The following SH3PXD2B variants were observed in gnomAD, a reference collection of about 807,000 sequenced individuals.
SH3PXD2B encodes SH3 and PX domains 2B.
A neutral mutation model predicts 73.1 loss-of-function variants in SH3PXD2B; 37 were observed. That is an observed-to-expected ratio of 0.51 (90% CI 0.39 to 0.67). SH3PXD2B has a LOEUF of 0.67. Ranked by LOEUF, SH3PXD2B falls within the 30% of genes least tolerant of loss-of-function variation. The probability of loss-of-function intolerance (pLI) is 0.00; values close to 1 mark genes in which losing one functional copy is unlikely to be tolerated. For synonymous variants in SH3PXD2B, 457 were observed against 480.5 expected (o/e 0.95, Z 0.64); for missense variants, 1,053 against 1,197.8 (o/e 0.88, Z 1.78).
At chr5:172,425,807 G>C (rs961313343) in intron 1 of SH3PXD2B, among the ~76,000 whole-genome samples, 1 of 152,084 alleles carries the variant, frequency 6.6e-6, no homozygotes, top group African/African-American at 2.4e-5. Flanking sequence ...AGAGGGGCAG[G>C]GACACCAGTA....
At position 172,397,144 on chromosome 5, in the gene SH3PXD2B, C is replaced by A. The variant is rs139968727; in HGVS notation, c.233-2505G>T. The stretch of plus-strand genomic sequence containing the variant: ...AGAGAATGCATTCCTAGGGGGAGGT[C>A]TCTGAAATGGCCACTCTGGGAACGT... On this transcript the variant is annotated intron_variant, in intron 3 of 12. Transcript: ENST00000311601. Among the ~76,000 whole-genome samples the A allele has an allele frequency of 9.8e-4, 149 of 152,180 alleles. 3 individuals carry two copies. In the East Asian group the frequency reaches 0.022, roughly 23 times the overall value.
At chr5:172,332,466 G>A (rs2113225080), downstream of SH3PXD2B, among the ~76,000 whole-genome samples, 1 of 148,966 alleles carries the variant, frequency 6.7e-6, no homozygotes, top group East Asian at 2.0e-4. Context: ...GTCTTGCTAT[G>A]TTGCCCAGCC....
intron 12 of SH3PXD2B, among the ~76,000 whole-genome samples, chr5:172,344,975 G>C (rs1756957411): frequency 6.7e-6 from 1 of 148,468 alleles, no homozygotes; most frequent in African/African-American, 2.6e-5. Context: ...AGGAGGGAGA[G>C]AAAGAAAGAA....
Position 172,339,420 on chromosome 5 carries a change from G to A in SH3PXD2B, c.1685C>T (p.Pro562Leu), listed in dbSNP as rs147475342. 71 of 1,614,012 alleles carry A rather than the reference G, an allele frequency of 4.4e-5. No homozygotes were observed. The highest frequency in any genetic ancestry group is 5.7e-5 in the Non-Finnish European group (67 of 1,180,026). The change falls in exon 13 of 13, where the codon CCG (proline) becomes CTG (leucine). Residue 562 changes from proline (P) to leucine (L), a missense_variant. By Grantham distance (98) the Pro-to-Leu change is moderately conservative (BLOSUM62 -3). Transcript: ENST00000311601. The surrounding 1 kb of genome is among the most constrained non-coding windows in gnomAD (Gnocchi z 6.1). Reference protein sequence around the residue: ...PTPKPPGVILPMMPAKHIPPA... With the variant: ...PTPKPPGVILLMMPAKHIPPA... ...AGGGATGTGTTTGGCTGGCATCATC[G>A]GCAAAATCACGCCCGGAGGCTTGGG...
At chr5:172,402,136 C>T (rs2113419196) in intron 3 of SH3PXD2B, among the ~76,000 whole-genome samples, 1 of 152,152 alleles carries the variant, frequency 6.6e-6, no homozygotes, top group East Asian at 1.9e-4. Context: ...GAATGCATTC[C>T]TAGGGGGAGG....
chr5:172,437,679 T>C (rs950220652), intron 1 of SH3PXD2B, among the ~76,000 whole-genome samples: 36 of 152,276 alleles, frequency 2.4e-4, no homozygotes, highest in Middle Eastern at 6.8e-3. Flanking sequence ...AATATTTTTT[T>C]CCCCCAATTT....
chr5:172,424,627 T>C (rs953266074), intron 1 of SH3PXD2B, among the ~76,000 whole-genome samples: 2 of 152,232 alleles, frequency 1.3e-5, no homozygotes, highest in Non-Finnish European at 2.9e-5. Flanking sequence ...GGAGGTGACC[T>C]TGAATGCCAC....
intron 3 of SH3PXD2B, among the ~76,000 whole-genome samples, chr5:172,399,073 T>A (rs1172077827): frequency 2.0e-5 from 3 of 152,242 alleles, no homozygotes; most frequent in African/African-American, 7.2e-5. Context: ...CCAGATTTGA[T>A]CTGAATTTAA....
At chr5:172,450,335 C>T (rs1272403777) in intron 1 of SH3PXD2B, among the ~76,000 whole-genome samples, 1 of 151,640 alleles carries the variant, frequency 6.6e-6, no homozygotes, top group African/African-American at 2.4e-5. Context: ...TCGGGGAGGG[C>T]GTCCGGGGGG....
chr5:172,431,169 T>C (rs1759230211), intron 1 of SH3PXD2B, among the ~76,000 whole-genome samples: 1 of 152,198 alleles, frequency 6.6e-6, no homozygotes, highest in South Asian at 2.1e-4. Context: ...GCCCAGGCTG[T>C]AACCACCTGT....
chr5:172,339,951 G>A lies in SH3PXD2B; in HGVS notation c.1189-35C>T, dbSNP rs545787318. On this transcript the variant is annotated intron_variant, in intron 12 of 12. Coordinates refer to ENST00000311601, the MANE Select transcript of SH3PXD2B (RefSeq NM_001017995.3). This position sits in a 1 kb window ranked among gnomAD's most constrained non-coding sequence, Gnocchi z 6.1. The stretch of plus-strand genomic sequence containing the variant: ...AGGATAGAGAAAGGCACTTGGCTAC[G>A]ATGCCAGGGCCAGCAGATGGAATGG... The A allele has an allele frequency of 5.7e-5, 92 of 1,613,174 alleles. No homozygotes were observed. Among genetic ancestry groups the A allele is most frequent in the Non-Finnish European group, 7.1e-5 (84 of 1,179,604 alleles).
At chr5:172,419,923 T>C (rs1758919907) in intron 2 of SH3PXD2B, among the ~76,000 whole-genome samples, 1 of 152,336 alleles carries the variant, frequency 6.6e-6, no homozygotes, top group East Asian at 1.9e-4. Context: ...CTTGCAAACA[T>C]GTTTACCTAA....
chr5:172,415,441 C>A (rs1013590784), intron 2 of SH3PXD2B, among the ~76,000 whole-genome samples: 12 of 152,128 alleles, frequency 7.9e-5, no homozygotes, highest in Non-Finnish European at 1.6e-4. Context: ...CCCAAGGAGG[C>A]AGGGAGGTTA....
chr5:172,444,124 G>A (rs78331435), intron 1 of SH3PXD2B, among the ~76,000 whole-genome samples: 3,419 of 152,254 alleles, frequency 0.022, 133 homozygotes, highest in African/African-American at 0.078. Context: ...CAGTGGGACC[G>A]TCGATCTTAA....
rs869367 is a variant in SH3PXD2B, at chr5:172,337,116, T to C, written c.*1253A>G. 581,352 of 985,094 alleles carry C rather than the reference T, an allele frequency of 0.59. 172,862 individuals are homozygous for C. Among genetic ancestry groups the C allele is most frequent in the South Asian group, 0.82 (17,416 of 21,284 alleles). 61.0% of individuals were successfully genotyped at this position (985,094 alleles called of 1,614,324 possible). ...TTAGAAGAGGGAACAGGGCTCTGTG[T>C]CAACCACCAGGACCCTGGCATTCTC... On this transcript the variant is annotated 3_prime_UTR_variant, in exon 13 of 13. Coordinates refer to ENST00000311601, the MANE Select transcript of SH3PXD2B (RefSeq NM_001017995.3).
At chr5:172,447,372 C>G (rs1759693150) in intron 1 of SH3PXD2B, among the ~76,000 whole-genome samples, 1 of 152,186 alleles carries the variant, frequency 6.6e-6, no homozygotes. Flanking sequence ...GTTTTACCAT[C>G]TTGATGGTAT....
At chr5:172,450,491 T>C (rs1191546147) in intron 1 of SH3PXD2B, among the ~76,000 whole-genome samples, 1 of 152,124 alleles carries the variant, frequency 6.6e-6, no homozygotes, top group African/African-American at 2.4e-5. Context: ...TGCAGAATAT[T>C]GTATTACTAT....
intron 1 of SH3PXD2B, among the ~76,000 whole-genome samples, chr5:172,440,981 C>A (rs758572180): frequency 1.1e-4 from 16 of 152,150 alleles, no homozygotes; most frequent in Non-Finnish European, 2.4e-4. Context: ...TGGCTTATAA[C>A]CCCCTTCCAC....
At chr5:172,332,948 T>G (rs1756590568), downstream of SH3PXD2B, among the ~76,000 whole-genome samples, 1 of 151,472 alleles carries the variant, frequency 6.6e-6, no homozygotes, top group African/African-American at 2.4e-5. Flanking sequence ...TTTTTTTTTT[T>G]TTTTTGAGAC....
Sources: gnomAD v4.1 joint callset for allele counts (sites outside exome capture counted in the v4.1 genomes callset) on GRCh38, gnomAD v4.1.1 for gene constraint, Gnocchi (gnomAD v3.1) non-coding constraint, MANE v1.5 for transcripts, NCBI Gene and HGNC (gene_info 2026-07-23, HGNC 2026-07-21) for gene names.